Variants in ARL14EPL observed in about 807,000 individuals in gnomAD.
The protein encoded by ARL14EPL is ARF like GTPase 14 effector protein like.
A neutral mutation model predicts 15.9 loss-of-function variants in ARL14EPL; 17 were observed. The ratio of observed to expected loss-of-function variants is 1.07; its 90% CI spans 0.73 to 1.60. The LOEUF is 1.60. ARL14EPL is among the 40% of genes most tolerant of loss of function. The probability of loss-of-function intolerance (pLI) is 0.00; values close to 1 mark genes in which losing one functional copy is unlikely to be tolerated. For missense variants in ARL14EPL, 214 were observed against 185.9 expected, an observed-to-expected ratio of 1.15 and a Z score of -0.88; for synonymous variants, 78 against 63.8, an observed-to-expected ratio of 1.22 and a Z score of -1.06.
chr5:116,045,129 A>G (rs986098955), intron 1 of ARL14EPL, among the ~76,000 whole-genome samples: 2 of 152,204 alleles, frequency 1.3e-5, no homozygotes, highest in Non-Finnish European at 2.9e-5. Flanking sequence ...AAGCCACATC[A>G]TGTAGATTCT....
chr5:116,039,252 G>T (rs1484113032), intron 1 of ARL14EPL, among the ~76,000 whole-genome samples: 1 of 152,086 alleles, frequency 6.6e-6, no homozygotes, highest in Non-Finnish European at 1.5e-5. Flanking sequence ...CTGACCCCAG[G>T]CCCTCCTCCT....
In ARL14EPL at chr5:116,034,233, A is replaced by T. The variant is rs2112663710; in HGVS notation, c.-10+1728A>T. 1.3e-5 allele frequency among the ~76,000 whole-genome samples: 2 copies of T among 152,346 alleles called. 1 individual carries two copies. The highest frequency in any genetic ancestry group is 6.8e-3 in the Middle Eastern group (2 of 294). The stretch of plus-strand genomic sequence containing the variant: ...GAGATCAACAAAGGCGGTTAGTCCC[A>T]TCATTTCCTTTGGGTAGGGACAATC... On this transcript the variant is annotated intron_variant, in intron 1 of 3. Transcript: ENST00000686077.
At position 116,051,550 on chromosome 5, in the gene ARL14EPL, C is replaced by A. The variant is rs1262498379; in HGVS notation, c.85C>A (p.Gln29Lys). 2.0e-6 allele frequency: 3 copies of A among 1,531,500 alleles called. No individual in the cohort carries two copies. The African/African-American group carries it at 4.1e-5, about 21-fold the overall frequency. 94.9% of individuals were successfully genotyped at this position (1,531,500 alleles called of 1,614,324 possible). Residue 29 changes from glutamine to lysine, a missense_variant, in exon 2 of 4, where the codon CAG (glutamine) becomes AAG (lysine). By Grantham distance (53) the Gln-to-Lys change is moderately conservative. Transcript: ENST00000686077. ...SFPEKNCQIG[Q>K]KQLQQIERQL... ...TCCTGAGAAGAACTGTCAAATTGGA[C>A]AGAAACAACTGGTATGGCACACAGA...
chr5:116,054,164 G>A lies in ARL14EPL; in HGVS notation c.236+11G>A. On this transcript the variant is annotated intron_variant, in intron 3 of 3. Transcript: ENST00000686077. ...TTCTACCAAATACAAGTAAGATTCT[G>A]ACTTATTGTATTTGATCTGTGGGAT... 6.5e-7 allele frequency: 1 copy of A among 1,532,082 alleles called. No homozygotes were observed. Among genetic ancestry groups the A allele is most frequent in the Non-Finnish European group, 8.7e-7 (1 of 1,144,626 alleles). The allele number at this position is 1,532,082 out of a possible 1,614,324, so 94.9% of individuals were successfully genotyped here.
At chr5:116,056,626 T>C (rs897991265) in intron 3 of ARL14EPL, among the ~76,000 whole-genome samples, 2 of 152,206 alleles carry the variant, frequency 1.3e-5, no homozygotes, top group African/African-American at 4.8e-5. Context: ...TAGTTTCTTT[T>C]GCTGTGCAGA....
chr5:116,039,363 G>A (rs1749106178), intron 1 of ARL14EPL, among the ~76,000 whole-genome samples: 1 of 152,028 alleles, frequency 6.6e-6, no homozygotes, highest in African/African-American at 2.4e-5. Context: ...AAGGTATCAG[G>A]AAAATCAAAT....
At position 116,051,800 on chromosome 5, in the gene ARL14EPL, A is replaced by G. The variant is rs1749386427; in HGVS notation, c.96+239A>G. On this transcript the variant is annotated intron_variant, in intron 2 of 3. Transcript: ENST00000686077. ...TGATTTTTAGCCCAGTGTTCTGTAC[A>G]ATAAAATTCTGCTTTTTGTGGAGAA... is the stretch of plus-strand genomic sequence containing the variant. 5.0e-6 allele frequency: 4 copies of G among 799,796 alleles called. No homozygotes were observed. The South Asian group carries it at 7.7e-5, about 15-fold the overall frequency. The allele number at this position is 799,796 out of a possible 1,614,324, so 49.5% of individuals were successfully genotyped here. A position where few individuals can be genotyped will look rare whatever the true frequency, so the allele number is the denominator to read the frequency against.
intron 3 of ARL14EPL, among the ~76,000 whole-genome samples, chr5:116,057,839 C>T (rs144154124): frequency 6.6e-5 from 10 of 152,258 alleles, no homozygotes; most frequent in African/African-American, 2.4e-4. Flanking sequence ...CATAATTTTG[C>T]CATACTAGCT....
chr5:116,044,465 T>TTATA (rs35174440), intron 1 of ARL14EPL, among the ~76,000 whole-genome samples: 3 of 148,498 alleles, frequency 2.0e-5, no homozygotes, highest in Admixed American at 6.8e-5. Context: ...AAGAAAAACA[T>TTATA]TATATATATA....
chr5:116,051,563 T>C lies in ARL14EPL; in HGVS notation c.96+2T>C. The C allele has an allele frequency of 6.6e-7, 1 of 1,523,402 alleles. No homozygotes were observed. Among genetic ancestry groups the C allele is most frequent in the Non-Finnish European group, 8.8e-7 (1 of 1,135,420 alleles). The allele number at this position is 1,523,402 out of a possible 1,614,324, so 94.4% of individuals were successfully genotyped here. ...TGTCAAATTGGACAGAAACAACTGG[T>C]ATGGCACACAGATTCTATGATTCCA... is the stretch of plus-strand genomic sequence containing the variant. On this transcript the variant is annotated splice_donor_variant, in intron 2 of 3. Transcript: ENST00000686077. LOFTEE classifies it high-confidence loss of function.
chr5:116,035,523 T>G (rs1749033494), intron 1 of ARL14EPL, among the ~76,000 whole-genome samples: 1 of 152,212 alleles, frequency 6.6e-6, no homozygotes, highest in Non-Finnish European at 1.5e-5. Context: ...GAATGGGTAT[T>G]GGAGAACCAA....
chr5:116,045,369 A>G (rs1286349171), intron 1 of ARL14EPL, among the ~76,000 whole-genome samples: 1 of 152,202 alleles, frequency 6.6e-6, no homozygotes, highest in East Asian at 1.9e-4. Flanking sequence ...TGAAAATGGC[A>G]CAGTATTCTG....
At chr5:116,057,941 G>A in intron 3 of ARL14EPL, among the ~76,000 whole-genome samples, 1 of 152,178 alleles carries the variant, frequency 6.6e-6, no homozygotes, top group Non-Finnish European at 1.5e-5. Context: ...AAGCAACTCA[G>A]TTTTGAAGGA....
chr5:116,041,363 C>G (rs559662948), intron 1 of ARL14EPL, among the ~76,000 whole-genome samples: 3 of 152,090 alleles, frequency 2.0e-5, no homozygotes, highest in African/African-American at 4.8e-5. Context: ...ATAAGGCATG[C>G]CAGTTCTACA....
At chr5:116,051,149 A>C (rs1749367995) in intron 1 of ARL14EPL, 1 of 228,660 alleles carries the variant, frequency 4.4e-6, no homozygotes, top group Non-Finnish European at 8.4e-6. Context: ...GTAAAGAAGG[A>C]AGAATGGAGT....
intron 1 of ARL14EPL, among the ~76,000 whole-genome samples, chr5:116,038,895 C>T (rs1446791946): frequency 6.6e-6 from 1 of 150,956 alleles, no homozygotes; most frequent in Non-Finnish European, 1.5e-5. Flanking sequence ...AATTAAGTGG[C>T]TCACCATGAG....
At chr5:116,042,635 C>A (rs578229661) in intron 1 of ARL14EPL, among the ~76,000 whole-genome samples, 2 of 152,266 alleles carry the variant, frequency 1.3e-5, no homozygotes, top group Admixed American at 6.5e-5. Flanking sequence ...TGGAGCAGCC[C>A]AGTGAGAGCT....
At chr5:116,047,701 T>G (rs1024896751) in intron 1 of ARL14EPL, among the ~76,000 whole-genome samples, 15 of 152,210 alleles carry the variant, frequency 9.9e-5, no homozygotes, top group African/African-American at 3.4e-4. Context: ...CTCTCTGGAA[T>G]GGGTCTTATG....
chr5:116,035,247 C>T (rs1749028322), intron 1 of ARL14EPL, among the ~76,000 whole-genome samples: 1 of 152,214 alleles, frequency 6.6e-6, no homozygotes, highest in African/African-American at 2.4e-5. Flanking sequence ...ATAGCTATCT[C>T]ACCATATTAT....
Sources: allele counts gnomAD v4.1 joint callset (sites outside exome capture counted in the v4.1 genomes callset), GRCh38; gene constraint gnomAD v4.1.1; transcripts MANE v1.5; gene names NCBI Gene and HGNC (gene_info 2026-07-23, HGNC 2026-07-21).